The following IMMP2L variants were observed in gnomAD, a reference collection of about 807,000 sequenced individuals.
IMMP2L encodes the protein mitochondrial inner membrane protease subunit 2.
Under a neutral mutation model 19.3 loss-of-function variants are expected in IMMP2L, and 18 were observed. The observed-to-expected ratio is 0.93, with a 90% CI of 0.64 to 1.38. The LOEUF (loss-of-function observed/expected upper bound fraction) is 1.38. IMMP2L is among the 40% of genes most tolerant of loss of function. IMMP2L has a pLI of 0.00. For missense variants in IMMP2L, 233 were observed against 218.2 expected (o/e 1.07, Z -0.43); for synonymous variants, 76 against 73.0 (o/e 1.04, Z -0.21).
At chr7:110,776,134 T>C (rs1490083625) in intron 5 of IMMP2L, among the ~76,000 whole-genome samples, 1 of 152,058 alleles carries the variant, frequency 6.6e-6, no homozygotes, top group Non-Finnish European at 1.5e-5. Context: ...GTACACCCTA[T>C]GGATGTTTAA....
At chr7:111,527,281 G>C (rs1465281584) in intron 1 of IMMP2L, among the ~76,000 whole-genome samples, 2 of 152,092 alleles carry the variant, frequency 1.3e-5, no homozygotes, top group Middle Eastern at 3.4e-3. Flanking sequence ...GCAAGGCATG[G>C]TAGCATACAC....
chr7:111,449,288 A>G (rs1424970790), intron 3 of IMMP2L, among the ~76,000 whole-genome samples: 3 of 137,030 alleles, frequency 2.2e-5, no homozygotes, highest in Non-Finnish European at 4.6e-5. Context: ...ATCCTTGATG[A>G]ACATTGATGC....
At chr7:110,936,610 A>T (rs904252024) in intron 4 of IMMP2L, among the ~76,000 whole-genome samples, 10 of 152,174 alleles carry the variant, frequency 6.6e-5, no homozygotes, top group African/African-American at 2.4e-4. Context: ...TGGGAGTGTA[A>T]ATTAGTTCAA....
intron 5 of IMMP2L, among the ~76,000 whole-genome samples, chr7:110,695,112 A>G (rs1793789967): frequency 6.6e-6 from 1 of 152,148 alleles, no homozygotes; most frequent in Non-Finnish European, 1.5e-5. Context: ...CCTTTGGGGT[A>G]ATGAAAATAT....
intron 3 of IMMP2L, among the ~76,000 whole-genome samples, chr7:111,445,370 T>G (rs914140507): frequency 1.3e-5 from 2 of 151,918 alleles, no homozygotes; most frequent in Non-Finnish European, 2.9e-5. Flanking sequence ...CCTAGCAATT[T>G]ATTCCCCCTT....
chr7:111,148,022 C>T (rs1803667347), intron 3 of IMMP2L, among the ~76,000 whole-genome samples: 1 of 151,944 alleles, frequency 6.6e-6, no homozygotes, highest in South Asian at 2.1e-4. Flanking sequence ...CCCAAGAGTA[C>T]CGAAAACATA....
At chr7:111,231,903 C>G (rs545232871) in intron 3 of IMMP2L, among the ~76,000 whole-genome samples, 1 of 151,728 alleles carries the variant, frequency 6.6e-6, no homozygotes, top group African/African-American at 2.4e-5. Flanking sequence ...TAAAAATCAC[C>G]GCCAAATTTC....
At chr7:110,664,489 A>T (rs1163059062) in intron 5 of IMMP2L, among the ~76,000 whole-genome samples, 2 of 152,154 alleles carry the variant, frequency 1.3e-5, no homozygotes, top group Admixed American at 6.5e-5. Context: ...ATTGGCGAGG[A>T]TGGAAGAGGA....
intron 3 of IMMP2L, among the ~76,000 whole-genome samples, chr7:111,357,625 A>G (rs2048420357): frequency 6.6e-6 from 1 of 152,146 alleles, no homozygotes; most frequent in Admixed American, 6.6e-5. Context: ...TTTCATTTAT[A>G]TAGCTGGGAA....
At chr7:111,189,226 A>C (rs1266373924) in intron 3 of IMMP2L, among the ~76,000 whole-genome samples, 1 of 152,122 alleles carries the variant, frequency 6.6e-6, no homozygotes, top group Non-Finnish European at 1.5e-5. Flanking sequence ...AAAATAACAA[A>C]ATCAATTAGA....
chr7:110,955,641 A>G (rs1257897054), intron 4 of IMMP2L, among the ~76,000 whole-genome samples: 1 of 151,972 alleles, frequency 6.6e-6, no homozygotes, highest in African/African-American at 2.4e-5. Context: ...AACAACTCAG[A>G]AACAGTGTAC....
At chr7:111,102,130 T>C (rs993106577) in intron 3 of IMMP2L, among the ~76,000 whole-genome samples, 2 of 151,478 alleles carry the variant, frequency 1.3e-5, no homozygotes, top group Admixed American at 1.3e-4. Flanking sequence ...TATATTGGGA[T>C]AGATTTTACA....
intron 5 of IMMP2L, among the ~76,000 whole-genome samples, chr7:110,670,704 AC>A (rs368442510): frequency 1.3e-5 from 2 of 150,954 alleles, no homozygotes; most frequent in African/African-American, 2.4e-5. Flanking sequence ...AAAAAAAAAA[AC>A]AAAAAAAACA....
intron 3 of IMMP2L, among the ~76,000 whole-genome samples, chr7:111,265,659 T>C (rs990102981): frequency 1.3e-5 from 2 of 152,124 alleles, no homozygotes; most frequent in African/African-American, 4.8e-5. Context: ...GCAGAAGCAC[T>C]GAGTCTGCAC....
intron 3 of IMMP2L, among the ~76,000 whole-genome samples, chr7:111,098,191 T>C (rs1022851107): frequency 6.6e-6 from 1 of 151,890 alleles, no homozygotes; most frequent in Admixed American, 6.6e-5. Flanking sequence ...GTTGTGTGAC[T>C]AGCTGAACTG....
intron 5 of IMMP2L, among the ~76,000 whole-genome samples, chr7:110,725,113 T>A (rs1795808235): frequency 6.6e-6 from 1 of 152,196 alleles, no homozygotes; most frequent in African/African-American, 2.4e-5. Flanking sequence ...GTCTTTACTC[T>A]GGGAACTACA....
At chr7:111,498,568 G>A (rs1843822195) in intron 2 of IMMP2L, among the ~76,000 whole-genome samples, 1 of 151,624 alleles carries the variant, frequency 6.6e-6, no homozygotes, top group South Asian at 2.1e-4. Context: ...GCACAGAAAG[G>A]AAGTGATTCA....
At chr7:110,943,793 C>T (rs1294966128) in intron 4 of IMMP2L, among the ~76,000 whole-genome samples, 1 of 151,938 alleles carries the variant, frequency 6.6e-6, no homozygotes, top group African/African-American at 2.4e-5. Context: ...CAATAATAAA[C>T]AAGCATATCC....
In IMMP2L at chr7:110,717,248, G is replaced by A. The variant is rs1030795900; in HGVS notation, c.409-53527C>T. Among the ~76,000 whole-genome samples, 10 of 152,226 alleles carry A rather than the reference G, an allele frequency of 6.6e-5. 1 individual carries two copies. The South Asian group carries it at 1.0e-3, about 16-fold the overall frequency. On this transcript the variant is annotated intron_variant, in intron 5 of 5. Coordinates refer to ENST00000405709, the MANE Select transcript of IMMP2L (RefSeq NM_032549.4). ...TCCCAGCACTTTGGGAGGCCGAGGC[G>A]GGCGGATCATGAGGTCAGGAGATGG...
Sources: allele counts gnomAD v4.1 joint callset (sites outside exome capture counted in the v4.1 genomes callset), GRCh38; gene constraint gnomAD v4.1.1; transcripts MANE v1.5; gene names NCBI Gene and HGNC (gene_info 2026-07-23, HGNC 2026-07-21).